The following ACIN1 variants were observed in gnomAD, a reference collection of about 807,000 sequenced individuals.
The protein encoded by ACIN1 is apoptotic chromatin condensation inducer in the nucleus.
In ACIN1, 16 loss-of-function variants were observed where a neutral mutation model predicts 146.6. That is an observed-to-expected ratio of 0.11 (90% CI 0.07 to 0.17). ACIN1 has a LOEUF of 0.17. ACIN1 is among the 10% of genes least tolerant of loss of function. The pLI is 1.00. For missense variants in ACIN1, 1,357 were observed against 1,609.3 expected (o/e 0.84, Z 2.68); for synonymous variants, 569 against 582.7 (o/e 0.98, Z 0.34).
At chr14:23,089,891 T>G in intron 4 of ACIN1, 91 bp downstream of exon 4, 3 of 1,378,260 alleles carry the variant, frequency 2.2e-6, no homozygotes, top group Non-Finnish European at 2.9e-6. Flanking sequence ...GGGACTTTCA[T>G]GGAGGCTTAG....
chr14:23,067,597 G>T lies in ACIN1; in HGVS notation c.2266-1589C>A. On this transcript the variant is annotated intron_variant, in intron 9 of 18. Transcript: ENST00000605057. This position sits in a 1 kb window ranked among gnomAD's most constrained non-coding sequence, Gnocchi z 4.6. ...CAGGCTCAGCGAGGGATAGAGGGGG[G>T]AAAGGGGCAGAGACATCAGTCCTGG... is the stretch of plus-strand genomic sequence containing the variant. The T allele has an allele frequency of 1.0e-6, 1 of 985,952 alleles. No homozygotes were observed. Among genetic ancestry groups the T allele is most frequent in the Non-Finnish European group, 1.2e-6 (1 of 830,022 alleles). The allele number at this position is 985,952 out of a possible 1,614,324, so 61.1% of individuals were successfully genotyped here.
At chr14:23,064,629 T>C (rs1270098206) in intron 10 of ACIN1, 141 bp from the exon 11 acceptor site, 1 of 1,234,420 alleles carries the variant, frequency 8.1e-7, no homozygotes, top group Non-Finnish European at 1.1e-6. Flanking sequence ...CTGAGTGTGG[T>C]GGCTCACACC....
intron 18 of ACIN1, among the ~76,000 whole-genome samples, chr14:23,059,966 T>A (rs191681756): frequency 0.087 from 12,324 of 141,384 alleles, 598 homozygotes; most frequent in Middle Eastern, 0.12. Flanking sequence ...GTTTTTTTTT[T>A]TTTTTTTTTT....
At position 23,061,722 on chromosome 14, in the gene ACIN1, C is replaced by A; in HGVS notation, c.3100-100G>T. 4 of 1,140,880 alleles carry A rather than the reference C, an allele frequency of 3.5e-6. No homozygotes were observed. In the South Asian group the frequency reaches 4.9e-5, roughly 14 times the overall value. The allele number at this position is 1,140,880 out of a possible 1,614,324, so 70.7% of individuals were successfully genotyped here. On this transcript the variant is annotated intron_variant, in intron 16 of 18. Transcript: ENST00000605057. The stretch of plus-strand genomic sequence containing the variant: ...GGCGCGGTGGCTCACGCCTGTAATC[C>A]CAGCACTTTGGGAGGCCAAGGCGGT...
intron 4 of ACIN1, among the ~76,000 whole-genome samples, chr14:23,088,996 T>C (rs914573278): frequency 3.3e-5 from 5 of 152,152 alleles, no homozygotes; most frequent in Non-Finnish European, 7.3e-5. Flanking sequence ...AGGCTATATT[T>C]ATAGACTTTT....
In ACIN1 at chr14:23,062,049, GGAA is replaced by G. The variant is rs576705678; in HGVS notation, c.3099+116_3099+118del. 407 of 810,072 alleles carry G rather than the reference GGAA, an allele frequency of 5.0e-4. 3 individuals are homozygous for G. In the South Asian group the frequency reaches 5.1e-3, roughly 10 times the overall value. 50.2% of individuals were successfully genotyped at this position (810,072 alleles called of 1,614,324 possible). A position where few individuals can be genotyped will look rare whatever the true frequency, so the allele number is the denominator to read the frequency against. ...GTACAATTAAAGGAACCAAAGCCAG[GGAA>G]GAAGAGAAAAGAACAGAAGCTCAGA... On this transcript the variant is annotated intron_variant, in intron 16 of 18. Transcript: ENST00000605057.
chr14:23,086,596 C>G (rs1372696514), intron 4 of ACIN1, among the ~76,000 whole-genome samples: 1 of 152,174 alleles, frequency 6.6e-6, no homozygotes, highest in Non-Finnish European at 1.5e-5. Flanking sequence ...AGCAATCTTC[C>G]CACCTCAGCC....
intron 4 of ACIN1, among the ~76,000 whole-genome samples, chr14:23,082,834 G>A (rs2047982596): frequency 6.6e-6 from 1 of 151,750 alleles, no homozygotes; most frequent in Admixed American, 6.6e-5. Flanking sequence ...CCGCCTCCCA[G>A]GTTCAAGCGA....
rs560056280 is a variant in ACIN1 at position 23,060,282 on chromosome 14, T to G, written c.3525+802A>C. ...CCATGCCTAGCCACCAAGTTTCAACTTTTACACACATTGACAGGTACTGGC... is the reference window on the plus strand; with the variant it reads ...CCATGCCTAGCCACCAAGTTTCAACGTTTACACACATTGACAGGTACTGGC... On this transcript the variant is annotated intron_variant, in intron 18 of 18. Coordinates refer to ENST00000605057, the MANE Select transcript of ACIN1 (RefSeq NM_001386863.1). Among the ~76,000 whole-genome samples the G allele has an allele frequency of 2.9e-4, 44 of 152,148 alleles. 1 individual carries two copies. The highest frequency in any genetic ancestry group is 6.8e-3 in the Middle Eastern group (2 of 294).
intron 3 of ACIN1, 30 bp from the exon 4 acceptor site, chr14:23,090,131 G>A: frequency 6.2e-7 from 1 of 1,606,686 alleles, no homozygotes; most frequent in Non-Finnish European, 8.5e-7. Flanking sequence ...TCGGGGCAGG[G>A]AGGGAGTGAA....
chr14:23,079,728 C>A lies in ACIN1; in HGVS notation c.1607G>T (p.Arg536Leu), dbSNP rs770531376. 3 of 1,613,896 alleles carry A rather than the reference C, an allele frequency of 1.9e-6. No individual in the cohort carries two copies. The highest frequency in any genetic ancestry group is 2.5e-6 in the Non-Finnish European group (3 of 1,180,018). ...CCGAGAACCTGAACTGTCAGGAGAG[C>A]GAGATCTTGATCTAGAACTGGAGGA... ...SSSSSSRSRS[R>L]SPDSSGSRSH... The change falls in exon 6 of 19, where the codon CGC (arginine) becomes CTC (leucine). Residue 536 changes from arginine to leucine, a missense_variant. Around this residue, in one of 4 missense-constraint regions of ACIN1, gnomAD observed 771 missense variants for 746.6 expected, o/e 1.03. Transcript: ENST00000605057.
In ACIN1 at chr14:23,080,749, T is replaced by G; in HGVS notation, c.586A>C (p.Thr196Pro). The G allele has an allele frequency of 6.2e-7, 1 of 1,613,740 alleles. No homozygotes were observed. The highest frequency in any genetic ancestry group is 1.1e-5 in the South Asian group (1 of 91,076). Residue 196 changes from threonine to proline, a missense_variant, in exon 6 of 19, where the codon ACA (threonine) becomes CCA (proline). Physicochemically the swap from Thr to Pro is conservative, Grantham distance 38 (BLOSUM62 -1). Coordinates refer to ENST00000605057, the MANE Select transcript of ACIN1 (RefSeq NM_001386863.1). ...QPAEEEEDQE[T>P]PSRNLRVRAD... ...CTGACCCTTAGGTTTCTGGAAGGTG[T>G]TTCTTGATCCTCTTCCTCCTCAGCA...
intron 6 of ACIN1, 121 bp downstream of exon 6, chr14:23,079,426 G>A: frequency 1.4e-6 from 2 of 1,463,002 alleles, no homozygotes; most frequent in Non-Finnish European, 1.8e-6. Flanking sequence ...AATCAGTGAA[G>A]GAGAGTAAAG....
At chr14:23,094,421 C>T (rs1448698547) in intron 1 of ACIN1, 2 of 969,342 alleles carry the variant, frequency 2.1e-6, no homozygotes, top group Non-Finnish European at 1.2e-6. Flanking sequence ...CCCAAATTGC[C>T]ACTAGATGCC....
At position 23,080,390 on chromosome 14, in the gene ACIN1, T is replaced by C; in HGVS notation, c.945A>G (p.Glu315=). 1.2e-6 allele frequency: 2 copies of C among 1,614,150 alleles called. No homozygotes were observed. The highest frequency in any genetic ancestry group is 1.7e-6 in the Non-Finnish European group (2 of 1,180,024). The change falls in exon 6 of 19, where the codon GAA becomes GAG. Residue 315 remains glutamate, a synonymous_variant. Transcript: ENST00000605057. ...CCTTTAAGCCTTGTGAAGATTTTAT[T>C]TCTCTTTCTTCCTCCTCAAGGGGAG... ...TTSPLEEEER[E]IKSSQGLKEK...
chr14:23,089,827 G>A (rs1329167387), intron 4 of ACIN1, among the ~76,000 whole-genome samples, 155 bp downstream of exon 4: 1 of 152,160 alleles, frequency 6.6e-6, no homozygotes, highest in Non-Finnish European at 1.5e-5. Flanking sequence ...CTTCAAAAAG[G>A]GTATACTTTC....
Position 23,080,481 on chromosome 14 carries a change from G to C in ACIN1, c.854C>G (p.Ser285Cys), listed in dbSNP as rs1483761073. The stretch of plus-strand genomic sequence containing the variant: ...ATGACTTTTTCTAGCCTCTTCCTGG[G>C]ATCTTGTAAATCTCCCTCCTCTCTC... ...VLERGGRFTR[S>C]QEEARKSHLA... Residue 285 changes from serine to cysteine, a missense_variant, in exon 6 of 19, where the codon TCC becomes TGC. Physicochemically the swap from Ser to Cys is moderately radical, Grantham distance 112. Around this residue, in one of 4 missense-constraint regions of ACIN1, gnomAD observed 771 missense variants for 746.6 expected, o/e 1.03. Transcript: ENST00000605057. 1 of 1,613,948 alleles carries C rather than the reference G, an allele frequency of 6.2e-7. No homozygotes were observed. The highest frequency in any genetic ancestry group is 8.5e-7 in the Non-Finnish European group (1 of 1,179,988).
intron 4 of ACIN1, among the ~76,000 whole-genome samples, chr14:23,087,798 T>C (rs1249161067): frequency 6.6e-6 from 1 of 152,228 alleles, no homozygotes; most frequent in Non-Finnish European, 1.5e-5. Flanking sequence ...CTGACTATTC[T>C]TGAATGTGAA....
intron 10 of ACIN1, among the ~76,000 whole-genome samples, chr14:23,065,543 C>T (rs995696459): frequency 2.0e-5 from 3 of 152,192 alleles, no homozygotes; most frequent in African/African-American, 7.2e-5. Context: ...GCCAAAATCG[C>T]ACCACTGCAC....
Sources: allele counts gnomAD v4.1 joint callset (sites outside exome capture counted in the v4.1 genomes callset), GRCh38; gene constraint gnomAD v4.1.1; regional missense constraint gnomAD v4.1.1; non-coding constraint Gnocchi (gnomAD v3.1); transcripts MANE v1.5; gene names NCBI Gene and HGNC (gene_info 2026-07-23, HGNC 2026-07-21).